TTC28: variants seen among roughly 807,000 people sequenced by gnomAD.
The protein encoded by TTC28 is tetratricopeptide repeat protein 28.
In TTC28, 61 loss-of-function variants were observed where a neutral mutation model predicts 198.0. That is an observed-to-expected ratio of 0.31 (90% CI 0.25 to 0.38). The LOEUF (loss-of-function observed/expected upper bound fraction) is 0.38, where lower values mean the gene tolerates loss of function less well. Among genes scored for constraint, TTC28 ranks in the 10% least tolerant of loss-of-function variants. TTC28 has a pLI of 1.00. For synonymous variants in TTC28, 1,171 were observed against 1,297.8 expected (o/e 0.90, Z 2.10); for missense variants, 2,678 against 3,164.0 (o/e 0.85, Z 3.69).
At position 28,013,691 on chromosome 22, in the gene TTC28, G is replaced by A. The variant is rs556866303; in HGVS notation, c.4218+557C>T. Among the ~76,000 whole-genome samples, 26 of 152,288 alleles carry A rather than the reference G, an allele frequency of 1.7e-4. No homozygotes were observed. In the South Asian group the frequency reaches 4.4e-3, roughly 25 times the overall value. ...GGAGGTGGGGAAGCATTCATTCCCA[G>A]TAGGGTGTGGGCGCAAGGTGCAAAG... On this transcript the variant is annotated intron_variant, in intron 14 of 22. Coordinates refer to ENST00000397906, the MANE Select transcript of TTC28 (RefSeq NM_001145418.2).
At chr22:28,333,521 C>T (rs1216864344) in intron 2 of TTC28, among the ~76,000 whole-genome samples, 1 of 152,030 alleles carries the variant, frequency 6.6e-6, no homozygotes, top group East Asian at 1.9e-4. Flanking sequence ...CTCTATGATG[C>T]CAGGGAGTAA....
chr22:28,011,577 C>A (rs1427266649), intron 14 of TTC28, among the ~76,000 whole-genome samples: 1 of 152,128 alleles, frequency 6.6e-6, no homozygotes, highest in Non-Finnish European at 1.5e-5. Context: ...AGCCTGGGGA[C>A]AGAGCAAGAC....
chr22:28,483,954 T>G (rs2048284836), intron 2 of TTC28, among the ~76,000 whole-genome samples: 2 of 152,158 alleles, frequency 1.3e-5, no homozygotes, highest in Admixed American at 6.5e-5. Context: ...ACAGAATTGT[T>G]AAGTAGGTAA....
intron 2 of TTC28, among the ~76,000 whole-genome samples, chr22:28,449,556 T>G (rs1175002588): frequency 2.0e-5 from 3 of 152,226 alleles, no homozygotes; most frequent in Admixed American, 1.3e-4. Context: ...AAATTCCCAA[T>G]GTATCATGGC....
intron 2 of TTC28, among the ~76,000 whole-genome samples, chr22:28,371,997 G>C (rs1005856520): frequency 6.6e-6 from 1 of 151,976 alleles, no homozygotes; most frequent in Non-Finnish European, 1.5e-5. Flanking sequence ...GCTAAGGTGG[G>C]AGGATTGCTT....
intron 5 of TTC28, among the ~76,000 whole-genome samples, chr22:28,180,568 T>C (rs1231739072): frequency 1.3e-5 from 2 of 151,990 alleles, no homozygotes; most frequent in African/African-American, 2.4e-5. Context: ...TCCCAAAATA[T>C]GTACATAGTC....
intron 11 of TTC28, among the ~76,000 whole-genome samples, chr22:28,094,955 C>T (rs1056272673): frequency 2.6e-5 from 4 of 151,914 alleles, no homozygotes; most frequent in African/African-American, 7.3e-5. Flanking sequence ...TCATTAAGAG[C>T]AAAAAGGAAC....
At chr22:28,662,675 A>G (rs962316126) in intron 1 of TTC28, among the ~76,000 whole-genome samples, 3 of 152,254 alleles carry the variant, frequency 2.0e-5, no homozygotes, top group African/African-American at 7.2e-5. Context: ...TGGTTCTTCC[A>G]AATAAGCCTA....
intron 2 of TTC28, among the ~76,000 whole-genome samples, chr22:28,585,161 C>A (rs1169678959): frequency 1.3e-5 from 2 of 152,132 alleles, no homozygotes; most frequent in African/African-American, 4.8e-5. Flanking sequence ...TTCAATGGAC[C>A]TGGGGCTGGG....
At chr22:28,381,485 C>T (rs955004910) in intron 2 of TTC28, among the ~76,000 whole-genome samples, 2 of 152,114 alleles carry the variant, frequency 1.3e-5, no homozygotes, top group East Asian at 1.9e-4. Context: ...GTAGATGGTG[C>T]CTTCCTGTCT....
chr22:28,518,715 G>T (rs1314978671), intron 2 of TTC28, among the ~76,000 whole-genome samples: 1 of 152,166 alleles, frequency 6.6e-6, no homozygotes, highest in Admixed American at 6.5e-5. Flanking sequence ...AACTTATGTG[G>T]AAGTAACATG....
chr22:28,185,738 T>C (rs962767867), intron 5 of TTC28, among the ~76,000 whole-genome samples: 1 of 152,218 alleles, frequency 6.6e-6, no homozygotes, highest in Non-Finnish European at 1.5e-5. Flanking sequence ...CAATGAATTA[T>C]GATATATCAG....
chr22:28,089,405 A>T (rs1048367565), intron 12 of TTC28, among the ~76,000 whole-genome samples: 1 of 151,776 alleles, frequency 6.6e-6, no homozygotes, highest in South Asian at 2.1e-4. Context: ...TCAGTAAACT[A>T]TCGCAAGAAC....
At chr22:28,326,975 AACACACACACACACAC>A (rs57349023) in intron 2 of TTC28, among the ~76,000 whole-genome samples, 4 of 142,842 alleles carry the variant, frequency 2.8e-5, no homozygotes, top group Admixed American at 7.0e-5. Flanking sequence ...CACAAACACA[AACACACACACACACAC>A]ACACACACAC....
chr22:28,330,707 T>C (rs2045601269), intron 2 of TTC28, among the ~76,000 whole-genome samples: 3 of 152,164 alleles, frequency 2.0e-5, no homozygotes, highest in Admixed American at 2.0e-4. Context: ...CTGTATTTTC[T>C]ACCCATTATG....
chr22:28,006,580 A>G (rs1259015928), intron 14 of TTC28: 3 of 152,300 alleles, frequency 2.0e-5, no homozygotes, highest in Non-Finnish European at 4.4e-5. Flanking sequence ...CCCAGAGACT[A>G]TGAGAGACAG....
chr22:28,062,710 G>A (rs751885059), intron 12 of TTC28, among the ~76,000 whole-genome samples: 1 of 151,990 alleles, frequency 6.6e-6, no homozygotes, highest in East Asian at 1.9e-4. Context: ...AGCCTATCCA[G>A]TGAATTTTTA....
chr22:28,096,493 G>A, intron 10 of TTC28, 85 bp from the exon 11 acceptor site: 1 of 1,395,182 alleles, frequency 7.2e-7, no homozygotes, highest in Non-Finnish European at 9.8e-7. Context: ...TCAAATCCTG[G>A]GCAGAAACCT....
intron 2 of TTC28, among the ~76,000 whole-genome samples, chr22:28,616,821 T>C (rs1266032035): frequency 4.0e-5 from 6 of 150,726 alleles, no homozygotes; most frequent in African/African-American, 1.5e-4. Context: ...CACTCCAGCA[T>C]GGGTGACAGA....
Sources: allele counts gnomAD v4.1 joint callset (sites outside exome capture counted in the v4.1 genomes callset), GRCh38; gene constraint gnomAD v4.1.1; transcripts MANE v1.5; gene names NCBI Gene and HGNC (gene_info 2026-07-23, HGNC 2026-07-21).